Variants in FBXO34 observed in about 807,000 individuals in gnomAD.
FBXO34 encodes the protein F-box protein 34.
Under a neutral mutation model 24.5 loss-of-function variants are expected in FBXO34, and 12 were observed. The observed-to-expected ratio is 0.49, with a 90% CI of 0.31 to 0.79. The LOEUF (loss-of-function observed/expected upper bound fraction) is 0.79. Among genes scored for constraint, FBXO34 ranks in the 30% least tolerant of loss-of-function variants. The pLI, the probability that FBXO34 is intolerant of heterozygous loss-of-function variation, is 0.04. For missense variants in FBXO34, 823 were observed against 857.7 expected, an observed-to-expected ratio of 0.96 and a Z score of 0.51; for synonymous variants, 320 against 311.9, an observed-to-expected ratio of 1.03 and a Z score of -0.27.
chr14:55,390,961 A>G, the FBXO34 span: 2 of 1,606,378 alleles, frequency 1.2e-6, no homozygotes, highest in East Asian at 2.2e-5. Flanking sequence ...TAACTGTTCA[A>G]TCCTCATCTT....
intron 1 of FBXO34, among the ~76,000 whole-genome samples, chr14:55,286,876 GA>G (rs1284744041): frequency 6.7e-6 from 1 of 149,234 alleles, no homozygotes; most frequent in Non-Finnish European, 1.5e-5. Context: ...GACCCACATT[GA>G]AACACGGAAT....
intron 1 of FBXO34, among the ~76,000 whole-genome samples, chr14:55,277,214 T>C (rs927069382): frequency 1.3e-5 from 2 of 152,252 alleles, no homozygotes; most frequent in African/African-American, 2.4e-5. Context: ...CTGAAACTAC[T>C]TGTTCAAATG....
In FBXO34 at chr14:55,350,465, T is replaced by G. The variant is rs766839519; in HGVS notation, c.75T>G (p.Thr25=). The G allele has an allele frequency of 9.4e-5, 151 of 1,612,138 alleles. No homozygotes were observed. Among genetic ancestry groups the G allele is most frequent in the Admixed American group, 1.3e-4 (8 of 59,360 alleles). The change falls in exon 2 of 2, where the codon ACT becomes ACG. Residue 25 remains threonine, a synonymous_variant. Coordinates refer to ENST00000313833, the MANE Select transcript of FBXO34 (RefSeq NM_017943.4). ...AAGTCAGCAGGGAAACGCAGAGAAC[T>G]CCTATGAACCACCAAAAGGCTGTAA... is the stretch of plus-strand genomic sequence containing the variant. ...PPEVSRETQR[T]PMNHQKAVND... is the part of the protein sequence containing the mutation.
chr14:55,405,784 T>A, the FBXO34 span, among the ~76,000 whole-genome samples: 1 of 152,114 alleles, frequency 6.6e-6, no homozygotes, highest in Non-Finnish European at 1.5e-5. Flanking sequence ...CTAATATCAT[T>A]CTTCTTCTTC....
At chr14:55,442,022 C>G in the FBXO34 span, among the ~76,000 whole-genome samples, 2 of 151,816 alleles carry the variant, frequency 1.3e-5, no homozygotes, top group African/African-American at 4.8e-5. Context: ...CTTGGCCTCC[C>G]AAAGTGCTGG....
At chr14:55,327,313 G>C (rs1883371329) in intron 1 of FBXO34, among the ~76,000 whole-genome samples, 1 of 152,198 alleles carries the variant, frequency 6.6e-6, no homozygotes, top group Non-Finnish European at 1.5e-5. Context: ...ACATGAGAAA[G>C]AGAGGGGGCA....
rs757371448 is a variant in FBXO34, at chr14:55,351,278, G to T, written c.888G>T (p.Gln296His). 6.2e-7 allele frequency: 1 copy of T among 1,614,176 alleles called. No homozygotes were observed. Among genetic ancestry groups the T allele is most frequent in the Non-Finnish European group, 8.5e-7 (1 of 1,180,044 alleles). Residue 296 changes from glutamine to histidine, a missense_variant, in exon 2 of 2, where the codon CAG becomes CAT. Gln to His is a conservative substitution (Grantham distance 24). Coordinates refer to ENST00000313833, the MANE Select transcript of FBXO34 (RefSeq NM_017943.4). Reference protein sequence around the residue: ...LESECLKRQGQREPGSLSRNN... With the variant: ...LESECLKRQGHREPGSLSRNN... ...CTGAGTGCCTGAAGCGGCAGGGCCA[G>T]CGTGAGCCTGGGAGCCTCTCAAGGA...
chr14:55,433,979 T>C, the FBXO34 span, among the ~76,000 whole-genome samples: 25 of 152,342 alleles, frequency 1.6e-4, no homozygotes, highest in African/African-American at 5.5e-4. Context: ...CATGATAGGA[T>C]GAACTTGTGT....
the FBXO34 span, chr14:55,411,529 G>C: frequency 3.4e-6 from 5 of 1,449,852 alleles, no homozygotes; most frequent in African/African-American, 7.1e-5. Context: ...GGGAGCCCCA[G>C]GTTCCAGCCT....
chr14:55,369,304 G>A (rs114671248), downstream of FBXO34: 1,590 of 209,252 alleles, frequency 7.6e-3, 33 homozygotes, highest in African/African-American at 0.035. Flanking sequence ...CGGTGGCCCG[G>A]GCCCAGAGGG....
intron 1 of FBXO34, among the ~76,000 whole-genome samples, chr14:55,348,329 A>G (rs1884226861): frequency 6.6e-6 from 1 of 152,088 alleles, no homozygotes; most frequent in African/African-American, 2.4e-5. Flanking sequence ...CTTGGGCTCA[A>G]TAGATCCTTC....
At chr14:55,363,746 T>A (rs1356180322), downstream of FBXO34, among the ~76,000 whole-genome samples, 1 of 152,168 alleles carries the variant, frequency 6.6e-6, no homozygotes. Context: ...ATCATGAGAT[T>A]TTTTGCAATT....
chr14:55,333,712 G>A (rs561654959), intron 1 of FBXO34, among the ~76,000 whole-genome samples: 8 of 118,452 alleles, frequency 6.8e-5, no homozygotes, highest in Admixed American at 4.6e-4. Context: ...TAGTGCTAAT[G>A]CTGGGGTGGC....
chr14:55,433,204 T>C, the FBXO34 span, among the ~76,000 whole-genome samples: 31 of 152,198 alleles, frequency 2.0e-4, no homozygotes, highest in African/African-American at 6.5e-4. Context: ...TCATAGCTCA[T>C]TGCAGCCTCA....
the FBXO34 span, chr14:55,440,697 G>T: frequency 1.2e-6 from 1 of 865,506 alleles, no homozygotes. Flanking sequence ...CTAGGGGTGG[G>T]CCGGAGAGGG....
At chr14:55,274,057 G>T (rs1307782446) in intron 1 of FBXO34, among the ~76,000 whole-genome samples, 2 of 152,130 alleles carry the variant, frequency 1.3e-5, no homozygotes, top group African/African-American at 4.8e-5. Flanking sequence ...GCCCACCTCA[G>T]CCTCCCAAAG....
chr14:55,398,311 G>A, the FBXO34 span, among the ~76,000 whole-genome samples: 2 of 151,782 alleles, frequency 1.3e-5, no homozygotes, highest in Non-Finnish European at 2.9e-5. Flanking sequence ...AACTTACTTG[G>A]GTTTTTTGTT....
At chr14:55,411,750 C>G in the FBXO34 span, 2 of 1,608,946 alleles carry the variant, frequency 1.2e-6, no homozygotes, top group Non-Finnish European at 1.7e-6. Context: ...TCCACCAGGT[C>G]CCGGGCGAGC....
intron 1 of FBXO34, among the ~76,000 whole-genome samples, chr14:55,318,836 A>G (rs557923637): frequency 1.3e-5 from 2 of 152,264 alleles, no homozygotes; most frequent in African/African-American, 2.4e-5. Flanking sequence ...TGACCTGGTC[A>G]TCTCACTCGC....
Sources: gnomAD v4.1 joint callset for allele counts (sites outside exome capture counted in the v4.1 genomes callset) on GRCh38, gnomAD v4.1.1 for gene constraint, MANE v1.5 for transcripts, NCBI Gene and HGNC (gene_info 2026-07-23, HGNC 2026-07-21) for gene names.